The following MUSK variants were observed in gnomAD, a reference collection of about 807,000 sequenced individuals.
MUSK encodes the protein muscle associated receptor tyrosine kinase, also known as muscle, skeletal receptor tyrosine-protein kinase.
In MUSK, 55 loss-of-function variants were observed where a neutral mutation model predicts 88.7. The observed-to-expected ratio is 0.62, with a 90% CI of 0.50 to 0.78. The LOEUF (loss-of-function observed/expected upper bound fraction) is 0.78, where lower values mean the gene tolerates loss of function less well. Among genes scored for constraint, MUSK ranks in the 30% least tolerant of loss-of-function variants. The probability of loss-of-function intolerance (pLI) is 0.00; values close to 1 mark genes in which losing one functional copy is unlikely to be tolerated. For synonymous variants in MUSK, 387 were observed against 391.9 expected, an observed-to-expected ratio of 0.99 and a Z score of 0.15; for missense variants, 1,015 against 1,074.3, an observed-to-expected ratio of 0.94 and a Z score of 0.77.
At chr9:110,760,581 G>A (rs188116150) in intron 7 of MUSK, among the ~76,000 whole-genome samples, 42 of 152,012 alleles carry the variant, frequency 2.8e-4, no homozygotes, top group African/African-American at 9.6e-4. Context: ...GTTGGAGAAA[G>A]GAGAGGATTA....
intron 7 of MUSK, among the ~76,000 whole-genome samples, chr9:110,751,901 C>T (rs1394713524): frequency 1.3e-5 from 2 of 152,146 alleles, no homozygotes; most frequent in African/African-American, 4.8e-5. Context: ...AGAGTTGTTA[C>T]TCGAAAACTG....
At chr9:110,775,410 C>T (rs1225929830) in intron 9 of MUSK, 1 of 245,142 alleles carries the variant, frequency 4.1e-6, no homozygotes, top group South Asian at 5.1e-5. Flanking sequence ...TGACAATGAT[C>T]CTGACTTTCA....
chr9:110,781,256 TTTTTGTTTTGTTTTGTTTTG>T (rs148739068), intron 11 of MUSK, among the ~76,000 whole-genome samples: 8 of 146,294 alleles, frequency 5.5e-5, no homozygotes, highest in Admixed American at 3.4e-4. Flanking sequence ...TGTGTGTGTT[TTTTTGTTTTGTTTTGTTTTG>T]TTTTGTTTTG....
At chr9:110,693,477 A>G (rs929854733) in intron 3 of MUSK, among the ~76,000 whole-genome samples, 3 of 152,002 alleles carry the variant, frequency 2.0e-5, no homozygotes, top group Non-Finnish European at 2.9e-5. Flanking sequence ...CTAAATTCCT[A>G]ATGGTCCATC....
intron 3 of MUSK, among the ~76,000 whole-genome samples, chr9:110,691,081 T>C (rs1366540632): frequency 6.6e-6 from 1 of 151,674 alleles, no homozygotes; most frequent in Non-Finnish European, 1.5e-5. Context: ...GCCAGGCCAG[T>C]CTCAAACTCC....
At chr9:110,757,450 CT>C (rs1227970353) in intron 7 of MUSK, among the ~76,000 whole-genome samples, 1 of 144,812 alleles carries the variant, frequency 6.9e-6, no homozygotes, top group Admixed American at 6.8e-5. Flanking sequence ...CAGAGTGAGA[CT>C]CTGTCTTGAA....
intron 3 of MUSK, among the ~76,000 whole-genome samples, chr9:110,689,724 A>ATATAAATATATAAC (rs2076276320): frequency 1.3e-5 from 1 of 77,692 alleles, no homozygotes; most frequent in African/African-American, 7.3e-5. Flanking sequence ...TATATGTTAT[A>ATATAAATATATAAC]TATAGTTTAT....
intron 5 of MUSK, among the ~76,000 whole-genome samples, chr9:110,720,018 G>A (rs2076790744): frequency 6.6e-6 from 1 of 152,018 alleles, no homozygotes; most frequent in Non-Finnish European, 1.5e-5. Flanking sequence ...AGTCAAGATG[G>A]AAATTTAAAA....
At position 110,716,996 on chromosome 9, in the gene MUSK, A is replaced by C. The variant is rs1254833120; in HGVS notation, c.629-17255A>C. Among the ~76,000 whole-genome samples, 3 of 149,498 alleles carry C rather than the reference A, an allele frequency of 2.0e-5. 1 individual carries two copies. The highest frequency in any genetic ancestry group is 7.6e-5 in the African/African-American group (3 of 39,318). ...TGTGCTCTTTGTTTGGTATTCTTCT[A>C]TCCCTTTCTTCCAACCTCCCCACAA... On this transcript the variant is annotated intron_variant, in intron 5 of 14. Coordinates refer to ENST00000374448, the MANE Select transcript of MUSK (RefSeq NM_005592.4).
In MUSK at chr9:110,803,899, G is replaced by A. The variant is rs577444126; in HGVS notation, c.*2911G>A. On this transcript the variant is annotated 3_prime_UTR_variant, in exon 15 of 15. Coordinates refer to ENST00000374448, the MANE Select transcript of MUSK (RefSeq NM_005592.4). ...TAGACAAAAGAGAGACACTCACAGT[G>A]TCACTGTTACCAAGTGCCAGGACAG... Among the ~76,000 whole-genome samples, 2 of 152,198 alleles carry A rather than the reference G, an allele frequency of 1.3e-5. No homozygotes were observed. Among genetic ancestry groups the A allele is most frequent in the South Asian group, 4.2e-4 (2 of 4,814 alleles).
Position 110,747,748 on chromosome 9 carries a change from G to A in MUSK, c.861G>A (p.Lys287=), listed in dbSNP as rs1469641108. 3 of 1,613,864 alleles carry A rather than the reference G, an allele frequency of 1.9e-6. No homozygotes were observed. Among genetic ancestry groups the A allele is most frequent in the East Asian group, 4.5e-5 (2 of 44,878 alleles). ...PGLYTCIATN[K]HGEKFSTAKA... ...TCTACACATGCATAGCTACCAATAAGCATGGGGAGAAGTTCAGTACTGCCA... is the reference window on the plus strand; with the variant it reads ...TCTACACATGCATAGCTACCAATAAACATGGGGAGAAGTTCAGTACTGCCA... Residue 287 remains lysine, a synonymous_variant, in exon 7 of 15, where the codon AAG becomes AAA. Coordinates refer to ENST00000374448, the MANE Select transcript of MUSK (RefSeq NM_005592.4).
At chr9:110,681,046 T>TATATTATATATTATATATATA (rs1564209487) in intron 1 of MUSK, among the ~76,000 whole-genome samples, 1 of 24,168 alleles carries the variant, frequency 4.1e-5, no homozygotes, top group Non-Finnish European at 7.3e-5. Context: ...TTATATAATA[T>TATATTATATATTATATATATA]ATATTATATA....
Position 110,801,131 on chromosome 9 carries a change from A to G in MUSK, c.*143A>G. 1 of 710,724 alleles carries G rather than the reference A, an allele frequency of 1.4e-6. No individual in the cohort carries two copies. 44.0% of individuals were successfully genotyped at this position (710,724 alleles called of 1,614,324 possible). On this transcript the variant is annotated 3_prime_UTR_variant, in exon 15 of 15. Transcript: ENST00000374448. ...AGTGTGTTGTTTGCTTCCCAGGGAG[A>G]GCAAAGACAGTGCAAAACCCATGTG...
At chr9:110,784,632 A>T (rs1464767921) in intron 11 of MUSK, among the ~76,000 whole-genome samples, 183 bp from the exon 12 acceptor site, 2 of 152,154 alleles carry the variant, frequency 1.3e-5, no homozygotes, top group Non-Finnish European at 2.9e-5. Flanking sequence ...TTAAAATTCT[A>T]TTATTCTATA....
At chr9:110,699,106 C>T (rs898999729) in intron 5 of MUSK, among the ~76,000 whole-genome samples, 4 of 152,080 alleles carry the variant, frequency 2.6e-5, no homozygotes, top group East Asian at 1.9e-4. Flanking sequence ...AAATTATCAC[C>T]GAACTCCATT....
chr9:110,689,379 T>G, intron 3 of MUSK, among the ~76,000 whole-genome samples: 1 of 117,042 alleles, frequency 8.5e-6, no homozygotes, highest in South Asian at 2.5e-4. Context: ...TATATATATG[T>G]AAAAAATATA....
chr9:110,746,608 A>C (rs2131873789), intron 6 of MUSK, among the ~76,000 whole-genome samples: 1 of 152,328 alleles, frequency 6.6e-6, no homozygotes, highest in East Asian at 1.9e-4. Context: ...TTAAGCTGTT[A>C]ATTGTGTGTC....
intron 3 of MUSK, 99 bp from the exon 4 acceptor site, chr9:110,695,304 T>C (rs949192443): frequency 1.2e-6 from 1 of 849,790 alleles, no homozygotes; most frequent in African/African-American, 1.8e-5. Flanking sequence ...CCTCAAATGA[T>C]TCTCAAAACA....
chr9:110,749,212 G>T (rs1485746977), intron 7 of MUSK, among the ~76,000 whole-genome samples: 1 of 152,182 alleles, frequency 6.6e-6, no homozygotes, highest in Non-Finnish European at 1.5e-5. Context: ...AATGGGTCCT[G>T]CCTTCCAGGG....
Sources: allele counts gnomAD v4.1 joint callset (sites outside exome capture counted in the v4.1 genomes callset), GRCh38; gene constraint gnomAD v4.1.1; transcripts MANE v1.5; gene names NCBI Gene and HGNC (gene_info 2026-07-23, HGNC 2026-07-21).